KCNQ3: variants seen among roughly 807,000 people sequenced by gnomAD.
KCNQ3 encodes the protein potassium voltage-gated channel subfamily Q member 3.
A neutral mutation model predicts 92.5 loss-of-function variants in KCNQ3; 30 were observed. That is an observed-to-expected ratio of 0.32 (90% confidence interval 0.24 to 0.44). The LOEUF is 0.44. Among genes scored for constraint, KCNQ3 ranks in the 20% least tolerant of loss-of-function variants. KCNQ3 has a pLI of 1.00. For synonymous variants in KCNQ3, 450 were observed against 468.8 expected (o/e 0.96, Z 0.52); for missense variants, 913 against 1,140.3 (o/e 0.80, Z 2.87).
Position 132,140,160 on chromosome 8 carries a change from G to T in KCNQ3, c.1484C>A (p.Pro495His). 6.2e-7 allele frequency: 1 copy of T among 1,613,440 alleles called. No individual in the cohort carries two copies. The highest frequency in any genetic ancestry group is 1.1e-5 in the South Asian group (1 of 91,042). Reference protein sequence around the residue: ...QSSEDAGTGDPMAEDRGYGND... With the variant: ...QSSEDAGTGDHMAEDRGYGND... ...CCCATAGCCCCTGTCTTCCGCCATG[G>T]GGTCACCTGTCCCGGCATCTGGGAG... Residue 495 changes from proline (P) to histidine (H), a missense_variant, in exon 11 of 15, where the codon CCC becomes CAC. By Grantham distance (77) the Pro-to-His change is moderately conservative. Coordinates refer to ENST00000388996, the MANE Select transcript of KCNQ3 (RefSeq NM_004519.4).
intron 1 of KCNQ3, among the ~76,000 whole-genome samples, chr8:132,414,724 C>T (rs1048624281): frequency 3.9e-5 from 6 of 152,090 alleles, no homozygotes; most frequent in South Asian, 2.1e-4. Flanking sequence ...GAAACAAAAG[C>T]GGAAGAATAG....
Position 132,334,737 on chromosome 8 carries a change from C to T in KCNQ3, c.386+145410G>A, listed in dbSNP as rs1027495281. 5.3e-5 allele frequency among the ~76,000 whole-genome samples: 8 copies of T among 152,114 alleles called. No individual in the cohort carries two copies. In the East Asian group the frequency reaches 9.7e-4, roughly 18 times the overall value. On this transcript the variant is annotated intron_variant, in intron 1 of 14. Coordinates refer to ENST00000388996, the MANE Select transcript of KCNQ3 (RefSeq NM_004519.4). The stretch of plus-strand genomic sequence containing the variant: ...CAAAACTCATTGATACATTCAAGAG[C>T]GTTTCTTGTAGGGAAGTTTCGCTCC...
intron 1 of KCNQ3, among the ~76,000 whole-genome samples, chr8:132,366,791 C>T (rs1009455811): frequency 6.6e-6 from 1 of 152,096 alleles, no homozygotes; most frequent in African/African-American, 2.4e-5. Flanking sequence ...ATGTTACATA[C>T]CAGAACAAAT....
At chr8:132,456,434 T>C (rs1247027302) in intron 1 of KCNQ3, among the ~76,000 whole-genome samples, 2 of 150,934 alleles carry the variant, frequency 1.3e-5, no homozygotes. Flanking sequence ...CACTAATTAA[T>C]GTTCCAAACA....
At chr8:132,378,055 T>C (rs778006396) in intron 1 of KCNQ3, among the ~76,000 whole-genome samples, 1 of 151,924 alleles carries the variant, frequency 6.6e-6, no homozygotes, top group South Asian at 2.1e-4. Flanking sequence ...CAAAAAAAAG[T>C]GGAAGATACT....
At chr8:132,445,742 TC>T (rs1280346770) in intron 1 of KCNQ3, among the ~76,000 whole-genome samples, 1 of 146,464 alleles carries the variant, frequency 6.8e-6, no homozygotes, top group Non-Finnish European at 1.5e-5. Context: ...GTCAGGCATT[TC>T]CCATACAGAA....
At chr8:132,134,506 A>C (rs71526239) in intron 12 of KCNQ3, 118 bp from the exon 13 acceptor site, 1 of 725,560 alleles carries the variant, frequency 1.4e-6, no homozygotes, top group African/African-American at 1.8e-5. Context: ...AGAGGAGAGG[A>C]GAGGAGAGGA....
intron 1 of KCNQ3, among the ~76,000 whole-genome samples, chr8:132,234,338 GTTT>G (rs756218792): frequency 7.4e-4 from 63 of 85,656 alleles, no homozygotes; most frequent in African/African-American, 2.7e-3. Flanking sequence ...TCCATGAAAA[GTTT>G]TTTTTTTTTT....
intron 1 of KCNQ3, among the ~76,000 whole-genome samples, chr8:132,475,719 A>G (rs1349337910): frequency 2.0e-5 from 3 of 152,240 alleles, no homozygotes; most frequent in Non-Finnish European, 1.5e-5. Context: ...AGCAGAGCAT[A>G]AGGATTTAGA....
At chr8:132,331,658 A>C (rs1266090962) in intron 1 of KCNQ3, among the ~76,000 whole-genome samples, 1 of 152,202 alleles carries the variant, frequency 6.6e-6, no homozygotes, top group Non-Finnish European at 1.5e-5. Flanking sequence ...ACCGTACTGA[A>C]GGACCTGTGT....
At chr8:132,297,681 G>A (rs1023524526) in intron 1 of KCNQ3, among the ~76,000 whole-genome samples, 2 of 35,684 alleles carry the variant, frequency 5.6e-5, no homozygotes, top group Non-Finnish European at 7.9e-5. Flanking sequence ...GGCTGAATGT[G>A]ATGAAGGGTC....
intron 1 of KCNQ3, among the ~76,000 whole-genome samples, chr8:132,275,863 C>T (rs1816312125): frequency 6.6e-6 from 1 of 152,210 alleles, no homozygotes; most frequent in African/African-American, 2.4e-5. Flanking sequence ...AGGTGTGAGC[C>T]ACTGTGCCAG....
chr8:132,431,634 G>A (rs1248591757), intron 1 of KCNQ3, among the ~76,000 whole-genome samples: 2 of 152,210 alleles, frequency 1.3e-5, no homozygotes, highest in African/African-American at 4.8e-5. Context: ...ACTGTGGTTG[G>A]TGTGGTCCTT....
chr8:132,438,289 C>T (rs1278546419), intron 1 of KCNQ3, among the ~76,000 whole-genome samples: 1 of 152,222 alleles, frequency 6.6e-6, no homozygotes, highest in African/African-American at 2.4e-5. Flanking sequence ...AAGTCTCCTT[C>T]TGACATTTGG....
intron 1 of KCNQ3, among the ~76,000 whole-genome samples, chr8:132,296,648 T>C (rs1474812379): frequency 6.6e-6 from 1 of 152,148 alleles, no homozygotes; most frequent in Non-Finnish European, 1.5e-5. Context: ...TGTTTGGTTT[T>C]TTGTCCTTGT....
At chr8:132,350,538 G>T (rs897291466) in intron 1 of KCNQ3, among the ~76,000 whole-genome samples, 1 of 152,150 alleles carries the variant, frequency 6.6e-6, no homozygotes, top group African/African-American at 2.4e-5. Context: ...ATCCCAGTAA[G>T]GGTGGGCACT....
chr8:132,480,202 T>A lies in KCNQ3; in HGVS notation c.331A>T (p.Ile111Phe). 1 of 1,613,066 alleles carries A rather than the reference T, an allele frequency of 6.2e-7. No homozygotes were observed. Among genetic ancestry groups the A allele is most frequent in the South Asian group, 1.1e-5 (1 of 91,004 alleles). ...CGCGGTCTCTCCAGGGCGTCGTAGA[T>A]CAAAGTTTGGATGCGCCGGTACTTG... The part of the protein sequence containing the change: ...NAKYRRIQTL[I>F]YDALERPRGW... Residue 111 changes from isoleucine (I) to phenylalanine (F), a missense_variant, in exon 1 of 15, where the codon ATC (isoleucine) becomes TTC (phenylalanine). Physicochemically the swap from Ile to Phe is conservative, Grantham distance 21 (BLOSUM62 0). This residue lies in a region of KCNQ3 where 183 missense variants were observed against 167.7 expected (regional missense o/e 1.09). Transcript: ENST00000388996.
At chr8:132,441,409 C>G (rs929290956) in intron 1 of KCNQ3, among the ~76,000 whole-genome samples, 2 of 152,006 alleles carry the variant, frequency 1.3e-5, no homozygotes, top group African/African-American at 4.8e-5. Flanking sequence ...AAAAAATTAG[C>G]CAGGCGCGGT....
At chr8:132,427,744 G>A (rs1299443979) in intron 1 of KCNQ3, among the ~76,000 whole-genome samples, 1 of 152,188 alleles carries the variant, frequency 6.6e-6, no homozygotes, top group African/African-American at 2.4e-5. Context: ...CCACAGGCAA[G>A]AGGAAGACCG....
Sources: allele counts gnomAD v4.1 joint callset (sites outside exome capture counted in the v4.1 genomes callset), GRCh38; gene constraint gnomAD v4.1.1; regional missense constraint gnomAD v4.1.1; transcripts MANE v1.5; gene names NCBI Gene and HGNC (gene_info 2026-07-23, HGNC 2026-07-21).